XYLB: variants seen among roughly 807,000 people sequenced by gnomAD.
XYLB encodes the protein xylulokinase, also known as xylulose kinase.
A neutral mutation model predicts 78.7 loss-of-function variants in XYLB; 62 were observed. The observed-to-expected ratio is 0.79, with a 90% CI of 0.64 to 0.97. The LOEUF is 0.97. Ranked by LOEUF, XYLB falls within the 50% of genes least tolerant of loss-of-function variation. The probability of loss-of-function intolerance (pLI) is 0.00; values close to 1 mark genes in which losing one functional copy is unlikely to be tolerated. For missense variants in XYLB, 687 were observed against 676.8 expected (o/e 1.02, Z -0.17); for synonymous variants, 245 against 247.4 (o/e 0.99, Z 0.09).
chr3:38,445,945 G>T, the XYLB span, among the ~76,000 whole-genome samples: 27 of 152,290 alleles, frequency 1.8e-4, no homozygotes, highest in African/African-American at 6.5e-4. Flanking sequence ...GTCTGGAATT[G>T]GTTCCTTCTG....
chr3:38,419,614 G>A (rs1452834559), downstream of XYLB, among the ~76,000 whole-genome samples: 5 of 64,582 alleles, frequency 7.7e-5, 1 homozygote, highest in Non-Finnish European at 3.7e-5. Context: ...AATAGCCATC[G>A]TTATGGATGT....
downstream of XYLB, among the ~76,000 whole-genome samples, chr3:38,418,729 T>A (rs1271136457): frequency 6.6e-6 from 1 of 152,242 alleles, no homozygotes; most frequent in Non-Finnish European, 1.5e-5. Flanking sequence ...GTGTATGTCT[T>A]ACACATATTT....
the XYLB span, among the ~76,000 whole-genome samples, chr3:38,440,390 C>T: frequency 3.9e-5 from 6 of 152,188 alleles, no homozygotes; most frequent in Admixed American, 2.0e-4. Flanking sequence ...ACAGCTCACA[C>T]GTTTGAGCAG....
Position 38,351,171 on chromosome 3 carries a change from C to CAAAAAAAAAAAAAAAAAAAA in XYLB, c.140+2548_140+2567dup, listed in dbSNP as rs58457623. 2.9e-3 allele frequency among the ~76,000 whole-genome samples: 68 copies of CAAAAAAAAAAAAAAAAAAAA among 23,084 alleles called. 7 individuals are homozygous for CAAAAAAAAAAAAAAAAAAAA. Among genetic ancestry groups the CAAAAAAAAAAAAAAAAAAAA allele is most frequent in the Non-Finnish European group, 4.3e-3 (44 of 10,246 alleles). 15.1% of individuals were successfully genotyped at this position (23,084 alleles called of 152,430 possible). ...TGGACAACAGAGGGAGAGCCTGTCT[C>CAAAAAAAAAAAAAAAAAAAA]AAAAAAAAAAAAAAAAAAAAAAAAA... is the stretch of plus-strand genomic sequence containing the variant. On this transcript the variant is annotated intron_variant, in intron 2 of 18. Transcript: ENST00000207870.
At chr3:38,367,508 G>A (rs1031925329) in intron 7 of XYLB, among the ~76,000 whole-genome samples, 3 of 152,224 alleles carry the variant, frequency 2.0e-5, no homozygotes, top group African/African-American at 4.8e-5. Flanking sequence ...AATGATTTGA[G>A]GTTCCAGATT....
the XYLB span, among the ~76,000 whole-genome samples, chr3:38,436,194 A>G: frequency 6.6e-6 from 1 of 152,144 alleles, no homozygotes; most frequent in Non-Finnish European, 1.5e-5. Context: ...CTAACCAAGA[A>G]AAAAAGAGAG....
At chr3:38,419,662 C>T, downstream of XYLB, among the ~76,000 whole-genome samples, 1 of 139,534 alleles carries the variant, frequency 7.2e-6, no homozygotes, top group Non-Finnish European at 1.6e-5. Context: ...TTGTGTTTTC[C>T]TAATGACTAG....
intron 18 of XYLB, among the ~76,000 whole-genome samples, chr3:38,411,288 C>A (rs1708573365): frequency 6.6e-6 from 1 of 151,872 alleles, no homozygotes; most frequent in Non-Finnish European, 1.5e-5. Context: ...GGACAAAAAA[C>A]CAAACACCAC....
intron 10 of XYLB, among the ~76,000 whole-genome samples, chr3:38,373,936 G>A (rs1336361094): frequency 3.9e-5 from 6 of 151,912 alleles, no homozygotes; most frequent in African/African-American, 9.7e-5. Context: ...GGAGGATTGC[G>A]TGATCCCGGA....
At chr3:38,392,212 C>T (rs1707687393) in intron 15 of XYLB, among the ~76,000 whole-genome samples, 1 of 152,232 alleles carries the variant, frequency 6.6e-6, no homozygotes, top group South Asian at 2.1e-4. Flanking sequence ...TTAACAGCAA[C>T]AACCTTTAAA....
chr3:38,351,198 A>AAAAAAAAAAAAAAAAAAAAAAAAAC, intron 2 of XYLB, among the ~76,000 whole-genome samples: 1 of 147,402 alleles, frequency 6.8e-6, no homozygotes, highest in Non-Finnish European at 1.5e-5. Flanking sequence ...AAAAAAAAAA[A>AAAAAAAAAAAAAAAAAAAAAAAAAC]AGGAAGTCTG....
rs1314671489 is a variant in XYLB, at chr3:38,375,139, C to T, written c.889-5C>T. 6.2e-7 allele frequency: 1 copy of T among 1,612,858 alleles called. No individual in the cohort carries two copies. Among genetic ancestry groups the T allele is most frequent in the Non-Finnish European group, 8.5e-7 (1 of 1,179,450 alleles). On this transcript the variant is annotated splice_polypyrimidine_tract_variant and splice_region_variant and intron_variant, in intron 11 of 18. Transcript: ENST00000207870. ...AGGTGCCCACCTCTGCCTATCTCTC[C>T]TCAGGTCAGCCTGGGCACCAGTGAC...
chr3:38,392,191 C>A (rs1479876218), intron 15 of XYLB, among the ~76,000 whole-genome samples: 3 of 152,174 alleles, frequency 2.0e-5, no homozygotes, highest in Non-Finnish European at 4.4e-5. Flanking sequence ...TTCCCATATC[C>A]CCACCAACAC....
At position 38,413,922 on chromosome 3, in the gene XYLB, T is replaced by A. The variant is rs966870102; in HGVS notation, c.*909T>A. On this transcript the variant is annotated 3_prime_UTR_variant, in exon 19 of 19. Transcript: ENST00000207870. ...TCTGGATTTCTTTTTTATTTTGGAG[T>A]ATTTCATCAGCTGAAAAGTGATTCT... 1.3e-5 allele frequency: 2 copies of A among 152,190 alleles called. No individual in the cohort carries two copies. Among genetic ancestry groups the A allele is most frequent in the African/African-American group, 4.8e-5 (2 of 41,432 alleles). 9.4% of individuals were successfully genotyped at this position (152,190 alleles called of 1,614,324 possible). A position where few individuals can be genotyped will look rare whatever the true frequency, so the allele number is the denominator to read the frequency against.
Position 38,372,909 on chromosome 3 carries a change from G to A in XYLB, c.847+173G>A, listed in dbSNP as rs568411329. On this transcript the variant is annotated intron_variant, in intron 10 of 18. Coordinates refer to ENST00000207870, the MANE Select transcript of XYLB (RefSeq NM_005108.4). ...CAGCCTCTTGGTGAAGCCTTCTGTG[G>A]TCATTCCTCACCACTCCCACCCTGC... Among the ~76,000 whole-genome samples the A allele has an allele frequency of 7.4e-4, 112 of 152,006 alleles. 3 individuals are homozygous for A. The South Asian group carries it at 0.019, about 26-fold the overall frequency.
intron 18 of XYLB, 95 bp from the exon 19 acceptor site, chr3:38,412,841 G>A (rs1708651066): frequency 3.7e-6 from 4 of 1,089,592 alleles, no homozygotes; most frequent in Non-Finnish European, 2.7e-6. Context: ...TAAATTGCAA[G>A]TAAACGGGAT....
downstream of XYLB, among the ~76,000 whole-genome samples, chr3:38,421,524 A>G (rs938572740): frequency 5.3e-5 from 8 of 152,184 alleles, no homozygotes; most frequent in Non-Finnish European, 8.8e-5. Flanking sequence ...GTAGAGAAAT[A>G]TTGCCGCTGG....
At chr3:38,419,544 T>C (rs1306536527), downstream of XYLB, among the ~76,000 whole-genome samples, 1 of 131,224 alleles carries the variant, frequency 7.6e-6, no homozygotes, top group Non-Finnish European at 1.7e-5. Flanking sequence ...GGATCTAGTT[T>C]CTCTACATCC....
intron 18 of XYLB, among the ~76,000 whole-genome samples, chr3:38,410,805 G>T (rs1708549239): frequency 6.6e-6 from 1 of 151,872 alleles, no homozygotes; most frequent in Non-Finnish European, 1.5e-5. Context: ...GGCCATCAGA[G>T]AAATGCAAAT....
Sources: allele counts gnomAD v4.1 joint callset (sites outside exome capture counted in the v4.1 genomes callset), GRCh38; gene constraint gnomAD v4.1.1; transcripts MANE v1.5; gene names NCBI Gene and HGNC (gene_info 2026-07-23, HGNC 2026-07-21).